Variants in KCNIP4 observed in about 807,000 individuals in gnomAD.
KCNIP4 encodes potassium voltage-gated channel interacting protein 4, also known as Kv channel-interacting protein 4.
Under a neutral mutation model 34.0 loss-of-function variants are expected in KCNIP4, and 12 were observed. The observed-to-expected ratio is 0.35, with a 90% CI of 0.23 to 0.57. The LOEUF is 0.57. Ranked by LOEUF, KCNIP4 falls within the 20% of genes least tolerant of loss-of-function variation. The pLI is 0.83. For synonymous variants in KCNIP4, 124 were observed against 102.2 expected (o/e 1.21, Z -1.29); for missense variants, 238 against 311.7 (o/e 0.76, Z 1.78).
chr4:21,238,238 T>G (rs1759523603), intron 1 of KCNIP4, among the ~76,000 whole-genome samples: 1 of 152,088 alleles, frequency 6.6e-6, no homozygotes, highest in South Asian at 2.1e-4. Context: ...CTCAAAATAA[T>G]AAGAGCTATT....
At chr4:20,922,551 A>ATCTG (rs2149588266) in intron 1 of KCNIP4, among the ~76,000 whole-genome samples, 2 of 8,184 alleles carry the variant, frequency 2.4e-4, no homozygotes, top group Admixed American at 3.0e-3. Context: ...CTGTCTGTCT[A>ATCTG]TCTATCTATC....
intron 1 of KCNIP4, among the ~76,000 whole-genome samples, chr4:21,116,680 C>T (rs1749705667): frequency 6.6e-6 from 1 of 152,112 alleles, no homozygotes. Context: ...CCTTGTTGGG[C>T]AAAACTTTCA....
At chr4:21,289,020 T>C (rs1347262594) in intron 1 of KCNIP4, among the ~76,000 whole-genome samples, 2 of 152,146 alleles carry the variant, frequency 1.3e-5, no homozygotes, top group African/African-American at 4.8e-5. Flanking sequence ...TTGACTGGGT[T>C]TGGATGAAAA....
chr4:20,749,638 A>T (rs1353343109), intron 5 of KCNIP4, 24 bp downstream of exon 5: 1 of 1,505,440 alleles, frequency 6.6e-7, no homozygotes, highest in Admixed American at 1.7e-5. Context: ...TAGTCAAATG[A>T]TATGAAAATA....
At chr4:21,438,487 T>C (rs1351600002) in intron 1 of KCNIP4, among the ~76,000 whole-genome samples, 1 of 152,216 alleles carries the variant, frequency 6.6e-6, no homozygotes, top group African/African-American at 2.4e-5. Context: ...CAAATATGTC[T>C]TTTATTTAGG....
chr4:21,339,554 TAGA>T (rs1156882770), intron 1 of KCNIP4, among the ~76,000 whole-genome samples: 2 of 152,182 alleles, frequency 1.3e-5, no homozygotes, highest in African/African-American at 4.8e-5. Flanking sequence ...ATATAGGTAA[TAGA>T]CCTAACTATG....
intron 1 of KCNIP4, among the ~76,000 whole-genome samples, chr4:21,346,323 A>G (rs1248908858): frequency 9.6e-6 from 1 of 104,416 alleles, no homozygotes; most frequent in Non-Finnish European, 2.0e-5. Flanking sequence ...TAGTGCCTAT[A>G]TTCTATTTAT....
intron 1 of KCNIP4, among the ~76,000 whole-genome samples, chr4:21,276,361 C>CT (rs3080866): frequency 0.047 from 6,008 of 129,144 alleles, 193 homozygotes; most frequent in Non-Finnish European, 0.07. Flanking sequence ...GAGATTTTCT[C>CT]TTTTTTTTTT....
chr4:21,612,648 G>C (rs1744246145), intron 1 of KCNIP4, among the ~76,000 whole-genome samples: 1 of 152,232 alleles, frequency 6.6e-6, no homozygotes, highest in African/African-American at 2.4e-5. Flanking sequence ...TAAAAAGCTA[G>C]TATTCTGTTT....
chr4:21,190,526 G>A (rs1192876689), intron 1 of KCNIP4, among the ~76,000 whole-genome samples: 2 of 151,912 alleles, frequency 1.3e-5, no homozygotes, highest in African/African-American at 4.8e-5. Flanking sequence ...CACTGAGGGT[G>A]GGAGGGCAAC....
intron 1 of KCNIP4, among the ~76,000 whole-genome samples, chr4:21,174,879 G>A (rs1754287982): frequency 1.3e-5 from 2 of 149,742 alleles, no homozygotes; most frequent in South Asian, 4.3e-4. Flanking sequence ...CAGCCCCTGG[G>A]TGACAGAGCG....
chr4:21,593,975 C>T (rs1742424723), intron 1 of KCNIP4, among the ~76,000 whole-genome samples: 1 of 152,008 alleles, frequency 6.6e-6, no homozygotes, highest in Non-Finnish European at 1.5e-5. Context: ...TGAACACCTA[C>T]CAGCCAACAT....
chr4:21,574,490 T>C (rs1740592613), intron 1 of KCNIP4, among the ~76,000 whole-genome samples: 1 of 152,134 alleles, frequency 6.6e-6, no homozygotes, highest in Non-Finnish European at 1.5e-5. Flanking sequence ...TCCCCTCTTT[T>C]GAAGAAACGG....
At chr4:21,918,280 C>A (rs772509257) in intron 1 of KCNIP4, among the ~76,000 whole-genome samples, 34 of 152,146 alleles carry the variant, frequency 2.2e-4, no homozygotes, top group Non-Finnish European at 3.4e-4. Flanking sequence ...ACTTCTCATA[C>A]TTTGGAATCT....
chr4:21,187,041 C>T (rs1755283761), intron 1 of KCNIP4, among the ~76,000 whole-genome samples: 1 of 152,164 alleles, frequency 6.6e-6, no homozygotes, highest in African/African-American at 2.4e-5. Flanking sequence ...TCCTGAACTC[C>T]ATATGTTTGG....
intron 1 of KCNIP4, among the ~76,000 whole-genome samples, chr4:21,709,602 A>AT (rs1022252188): frequency 1.3e-5 from 2 of 152,044 alleles, no homozygotes; most frequent in Admixed American, 6.6e-5. Flanking sequence ...GATGCAAATA[A>AT]TTTTTTTTAA....
intron 1 of KCNIP4, among the ~76,000 whole-genome samples, chr4:21,106,677 T>C (rs1465727346): frequency 6.6e-6 from 1 of 151,634 alleles, no homozygotes; most frequent in Admixed American, 6.6e-5. Context: ...CTAGTTCTTT[T>C]AATTGTAACG....
chr4:21,421,474 T>G (rs986955154), intron 1 of KCNIP4, among the ~76,000 whole-genome samples: 5 of 152,246 alleles, frequency 3.3e-5, no homozygotes, highest in Non-Finnish European at 5.9e-5. Context: ...TTTGTGATAA[T>G]ATGAATGAAC....
intron 1 of KCNIP4, among the ~76,000 whole-genome samples, chr4:20,932,465 C>A (rs1366963251): frequency 7.8e-6 from 1 of 128,030 alleles, no homozygotes; most frequent in Non-Finnish European, 1.6e-5. Flanking sequence ...ATATTGTAGA[C>A]TATAATAGTC....
Sources: gnomAD v4.1 joint callset for allele counts (sites outside exome capture counted in the v4.1 genomes callset) on GRCh38, gnomAD v4.1.1 for gene constraint, MANE v1.5 for transcripts, NCBI Gene and HGNC (gene_info 2026-07-23, HGNC 2026-07-21) for gene names.